Variants in ZNF70 observed in about 807,000 individuals in gnomAD.
The protein encoded by ZNF70 is zinc finger protein N27C7-1.
In ZNF70, 18 loss-of-function variants were observed where a neutral mutation model predicts 37.7. The observed-to-expected ratio is 0.48, with a 90% CI of 0.33 to 0.71. ZNF70 has a LOEUF of 0.71. ZNF70 is among the 30% of genes least tolerant of loss of function. The pLI is 0.02. For missense variants in ZNF70, 506 were observed against 568.6 expected, an observed-to-expected ratio of 0.89 and a Z score of 1.12; for synonymous variants, 219 against 220.1, an observed-to-expected ratio of 0.99 and a Z score of 0.05.
intron 1 of ZNF70, among the ~76,000 whole-genome samples, chr22:23,750,076 T>C (rs113067607): frequency 6.6e-6 from 1 of 152,186 alleles, no homozygotes; most frequent in African/African-American, 2.4e-5. Flanking sequence ...CAACTATGTA[T>C]GGCACCACGA....
Position 23,745,056 on chromosome 22 carries a change from C to T in ZNF70, c.85G>A (p.Glu29Lys). 6.2e-7 allele frequency: 1 copy of T among 1,614,202 alleles called. No homozygotes were observed. Residue 29 changes from glutamate (E) to lysine (K), a missense_variant, in exon 2 of 2, where the codon GAG (glutamate) becomes AAG (lysine). Transcript: ENST00000341976. ...LESQQGLFPG[E>K]DLGDPFLQER... ...TGAAGAAAAGGGTCCCCCAGGTCCT[C>T]CCCTGGGAAAAGCCCTTGTTGTGAC...
In ZNF70 at chr22:23,743,668, A is replaced by T; in HGVS notation, c.*132T>A. On this transcript the variant is annotated 3_prime_UTR_variant, in exon 2 of 2. Transcript: ENST00000341976. ...CACACAGGGCCTTCCTGCTAGTGGG[A>T]TGTTCAAGAGCGCTTAGGTGGGAAG... 1.6e-6 allele frequency: 2 copies of T among 1,272,210 alleles called. No homozygotes were observed. The highest frequency in any genetic ancestry group is 1.1e-6 in the Non-Finnish European group (1 of 922,734). 78.8% of individuals were successfully genotyped at this position (1,272,210 alleles called of 1,614,324 possible).
rs1925304128 is a variant in ZNF70 at position 23,750,910 on chromosome 22, C to A, written c.-279G>T. The A allele has an allele frequency of 6.6e-6, 1 of 152,306 alleles. No homozygotes were observed. The highest frequency in any genetic ancestry group is 2.1e-4 in the South Asian group (1 of 4,838). 9.4% of individuals were successfully genotyped at this position (152,306 alleles called of 1,614,324 possible). A position where few individuals can be genotyped will look rare whatever the true frequency, so the allele number is the denominator to read the frequency against. On this transcript the variant is annotated 5_prime_UTR_variant, in exon 1 of 2. Transcript: ENST00000341976. ...GCTTCCCCGCGATTGGGGACACGCA[C>A]ACCCAGGGCCACCGGAGGGACAGGT...
Position 23,745,130 on chromosome 22 carries a change from G to A in ZNF70, c.11C>T (p.Pro4Leu), listed in dbSNP as rs770928535. The change falls in exon 2 of 2, where the codon CCC becomes CTC. Residue 4 changes from proline to leucine, a missense_variant. Coordinates refer to ENST00000341976, the MANE Select transcript of ZNF70 (RefSeq NM_021916.4). The part of the protein sequence containing the change: MEV[P>L]PATKFGETFA... ...GGTCTCACCAAACTTTGTTGCTGGG[G>A]GAACCTCCATTGTGAATCTGCTATC... 1.9e-6 allele frequency: 3 copies of A among 1,611,490 alleles called. No individual in the cohort carries two copies. In the South Asian group the frequency reaches 3.3e-5, roughly 18 times the overall value.
Position 23,744,939 on chromosome 22 carries a change from T to G in ZNF70, c.202A>C (p.Ser68Arg), listed in dbSNP as rs762921870. 6 of 1,614,206 alleles carry G rather than the reference T, an allele frequency of 3.7e-6. No individual in the cohort carries two copies. The Middle Eastern group carries it at 8.2e-4, about 222-fold the overall frequency. ...EENDDYEGNF[S>R]LCSSPVQHQS... ...TGCTGAACAGGGCTTGAGCACAAAC[T>G]GAAATTCCCCTCGTAATCATCATTT... The change falls in exon 2 of 2, where the codon AGT becomes CGT. Residue 68 changes from serine (S) to arginine (R), a missense_variant. Transcript: ENST00000341976.
Position 23,743,639 on chromosome 22 carries a change from G to A in ZNF70, c.*161C>T. The A allele has an allele frequency of 1.9e-6, 2 of 1,061,314 alleles. No homozygotes were observed. The highest frequency in any genetic ancestry group is 4.8e-5 in the East Asian group (2 of 41,718). 65.7% of individuals were successfully genotyped at this position (1,061,314 alleles called of 1,614,324 possible). On this transcript the variant is annotated 3_prime_UTR_variant, in exon 2 of 2. Transcript: ENST00000341976. ...GCTGAGAGCTGGCGTGCTTGGCCCA[G>A]GGCCACACAGGGCCTTCCTGCTAGT...
In ZNF70 at chr22:23,741,317, C is replaced by T. The variant is rs1924868402; in HGVS notation, c.*2483G>A. ...GCCTGCTGTCCCCACTGCATCCTAG[C>T]ATTCTCTCTTCACTCTTGATAGAGA... On this transcript the variant is annotated 3_prime_UTR_variant, in exon 2 of 2. Coordinates refer to ENST00000341976, the MANE Select transcript of ZNF70 (RefSeq NM_021916.4). 6.6e-6 allele frequency: 1 copy of T among 152,248 alleles called. No homozygotes were observed. Among genetic ancestry groups the T allele is most frequent in the Non-Finnish European group, 1.5e-5 (1 of 68,070 alleles). 9.4% of individuals were successfully genotyped at this position (152,248 alleles called of 1,614,324 possible).
chr22:23,743,504 T>C lies in ZNF70; in HGVS notation c.*296A>G, dbSNP rs769877275. ...TGGGAAATGTGAAGACAGGGCAAAA[T>C]GAAATCCTGTAGGCTTGGGAGTCAA... On this transcript the variant is annotated 3_prime_UTR_variant, in exon 2 of 2. Transcript: ENST00000341976. 1.7e-5 allele frequency: 6 copies of C among 348,102 alleles called. No homozygotes were observed. The highest frequency in any genetic ancestry group is 3.1e-5 in the Non-Finnish European group (6 of 192,680). 21.6% of individuals were successfully genotyped at this position (348,102 alleles called of 1,614,324 possible).
Position 23,739,961 on chromosome 22 carries a change from A to G in ZNF70, c.*3839T>C, listed in dbSNP as rs1008541818. Reference sequence around the variant, plus strand: ...GGAAATTCTTAATACTATAACAAAAAACACCACGTCAAAACTTACGGAGTG... The same window carrying G: ...GGAAATTCTTAATACTATAACAAAAGACACCACGTCAAAACTTACGGAGTG... On this transcript the variant is annotated 3_prime_UTR_variant, in exon 2 of 2. Transcript: ENST00000341976. 1 of 152,048 alleles carries G rather than the reference A, an allele frequency of 6.6e-6. No individual in the cohort carries two copies. Among genetic ancestry groups the G allele is most frequent in the Non-Finnish European group, 1.5e-5 (1 of 68,018 alleles). 9.4% of individuals were successfully genotyped at this position (152,048 alleles called of 1,614,324 possible).
Position 23,742,396 on chromosome 22 carries a change from GTGAACTCC to G in ZNF70, c.*1396_*1403del, listed in dbSNP as rs1203225410. 1 of 152,294 alleles carries G rather than the reference GTGAACTCC, an allele frequency of 6.6e-6. No homozygotes were observed. The highest frequency in any genetic ancestry group is 1.9e-4 in the East Asian group (1 of 5,202). The allele number at this position is 152,294 out of a possible 1,614,324, so 9.4% of individuals were successfully genotyped here. On this transcript the variant is annotated 3_prime_UTR_variant, in exon 2 of 2. Transcript: ENST00000341976. ...ATGGTACTGTTTAAACAAGCCCCAC[GTGAACTCC>G]TAGTTGGCAGGCGGGGAAGACAGAC...
chr22:23,744,989 AT>A lies in ZNF70; in HGVS notation c.151del (p.Ile51SerfsTer56). 6.2e-7 allele frequency: 1 copy of A among 1,614,094 alleles called. No homozygotes were observed. The highest frequency in any genetic ancestry group is 8.5e-7 in the Non-Finnish European group (1 of 1,180,018). On this transcript the variant is annotated frameshift_variant, in exon 2 of 2. Coordinates refer to ENST00000341976, the MANE Select transcript of ZNF70 (RefSeq NM_021916.4). LOFTEE classifies it high-confidence loss of function. ...LEQMAVIYKE[I>X]PLGEQDEEND... is the part of the protein sequence containing the mutation. The stretch of plus-strand genomic sequence containing the variant: ...TTCTTCGTCCTGCTCACCAAGAGGG[AT>A]CTCCTTGTAGATCACAGCCATTTGC...
Position 23,744,487 on chromosome 22 carries a change from G to A in ZNF70, c.654C>T (p.His218=). The A allele has an allele frequency of 1.9e-6, 3 of 1,614,052 alleles. No individual in the cohort carries two copies. Among genetic ancestry groups the A allele is most frequent in the Non-Finnish European group, 2.5e-6 (3 of 1,179,996 alleles). The part of the protein sequence containing the change: ...SSALTQHQKI[H]TGKRPYECRE... ...TGCACTCGTAGGGCCTCTTTCCGGTGTGGATCTTTTGGTGTTGCGTGAGGG... is the reference window on the plus strand; with the variant it reads ...TGCACTCGTAGGGCCTCTTTCCGGTATGGATCTTTTGGTGTTGCGTGAGGG... The change falls in exon 2 of 2, where the codon CAC becomes CAT. Residue 218 remains histidine, a synonymous_variant. Transcript: ENST00000341976.
chr22:23,750,545 G>A (rs1925288731), intron 1 of ZNF70, among the ~76,000 whole-genome samples, 166 bp downstream of exon 1: 1 of 151,962 alleles, frequency 6.6e-6, no homozygotes, highest in African/African-American at 2.4e-5. Context: ...TTAAGTCCTG[G>A]TGTTCTCAAA....
intron 1 of ZNF70, among the ~76,000 whole-genome samples, chr22:23,750,499 A>G (rs1159779686): frequency 6.6e-6 from 1 of 151,194 alleles, no homozygotes; most frequent in African/African-American, 2.4e-5. Context: ...CTCTTTCTTG[A>G]TATCTTTAGA....
In ZNF70 at chr22:23,743,236, G is replaced by C. The variant is rs1042009485; in HGVS notation, c.*564C>G. 9 of 155,626 alleles carry C rather than the reference G, an allele frequency of 5.8e-5. No individual in the cohort carries two copies. Among genetic ancestry groups the C allele is most frequent in the African/African-American group, 2.2e-4 (9 of 41,460 alleles). 9.6% of individuals were successfully genotyped at this position (155,626 alleles called of 1,614,324 possible). On this transcript the variant is annotated 3_prime_UTR_variant, in exon 2 of 2. Transcript: ENST00000341976. ...CCCCAATCTCAAGACCCACCCTCCA[G>C]ACCTGCCTTTGCTCTGCAGACCTGT...
At chr22:23,749,642 C>T (rs1925258776) in intron 1 of ZNF70, among the ~76,000 whole-genome samples, 1 of 151,668 alleles carries the variant, frequency 6.6e-6, no homozygotes, top group South Asian at 2.1e-4. Context: ...CCATGTTGTG[C>T]AGACTGGTCT....
chr22:23,749,960 T>C (rs1290129545), intron 1 of ZNF70, among the ~76,000 whole-genome samples: 1 of 152,214 alleles, frequency 6.6e-6, no homozygotes. Context: ...TCTCACGCTC[T>C]AGCACCATGC....
In ZNF70 at chr22:23,740,540, C is replaced by T. The variant is rs978815368; in HGVS notation, c.*3260G>A. 6.6e-6 allele frequency: 1 copy of T among 151,776 alleles called. No individual in the cohort carries two copies. The highest frequency in any genetic ancestry group is 6.6e-5 in the Admixed American group (1 of 15,250). The allele number at this position is 151,776 out of a possible 1,614,324, so 9.4% of individuals were successfully genotyped here. A position where few individuals can be genotyped will look rare whatever the true frequency, so the allele number is the denominator to read the frequency against. ...CTTCAGGAGGCCAAGGCAGGCAGATCAGGAGGTCAGGAGTTCGAGACCAGC... is the reference window on the plus strand; with the variant it reads ...CTTCAGGAGGCCAAGGCAGGCAGATTAGGAGGTCAGGAGTTCGAGACCAGC... On this transcript the variant is annotated 3_prime_UTR_variant, in exon 2 of 2. Coordinates refer to ENST00000341976, the MANE Select transcript of ZNF70 (RefSeq NM_021916.4).
Position 23,742,250 on chromosome 22 carries a change from A to AC in ZNF70, c.*1549_*1550insG, listed in dbSNP as rs1247990076. The AC allele has an allele frequency of 6.6e-6, 1 of 152,092 alleles. No individual in the cohort carries two copies. The highest frequency in any genetic ancestry group is 1.5e-5 in the Non-Finnish European group (1 of 68,080). 9.4% of individuals were successfully genotyped at this position (152,092 alleles called of 1,614,324 possible). ...CAACAGGGCAACACTCCATCTCAAA[A>AC]AAAAAAGCCCAGCACAGGGCCCACA... On this transcript the variant is annotated 3_prime_UTR_variant, in exon 2 of 2. Transcript: ENST00000341976.
Sources: allele counts gnomAD v4.1 joint callset (sites outside exome capture counted in the v4.1 genomes callset), GRCh38; gene constraint gnomAD v4.1.1; transcripts MANE v1.5; gene names NCBI Gene and HGNC (gene_info 2026-07-23, HGNC 2026-07-21).